Variants in FAM220A observed in about 807,000 individuals in gnomAD.
FAM220A encodes the protein protein FAM220A.
For missense variants in FAM220A, 392 were observed against 321.6 expected, an observed-to-expected ratio of 1.22 and a Z score of -1.68; for synonymous variants, 141 against 130.7, an observed-to-expected ratio of 1.08 and a Z score of -0.54.
At chr7:6,346,520 C>G (rs1781953385) in intron 1 of FAM220A, among the ~76,000 whole-genome samples, 1 of 152,108 alleles carries the variant, frequency 6.6e-6, no homozygotes, top group African/African-American at 2.4e-5. Context: ...GTGCACGCCA[C>G]CACTGCCCGG....
chr7:6,335,138 C>G (rs1030197910), intron 1 of FAM220A, among the ~76,000 whole-genome samples: 10 of 152,208 alleles, frequency 6.6e-5, no homozygotes, highest in African/African-American at 2.4e-4. Context: ...TCTTAGCTCA[C>G]TGCAACCTCT....
At chr7:6,343,748 G>A (rs1465663777) in intron 1 of FAM220A, among the ~76,000 whole-genome samples, 1 of 151,942 alleles carries the variant, frequency 6.6e-6, no homozygotes, top group African/African-American at 2.4e-5. Flanking sequence ...TCCTAAAGAG[G>A]TATTAACCTC....
Position 6,330,836 on chromosome 7 carries a change from A to T in FAM220A, c.319T>A (p.Phe107Ile). ...AATPSTAVGL[F>I]PAPTECFARV... Reference sequence around the variant, plus strand: ...GCAAAACACTCTGTTGGAGCAGGGAACAAACCCACGGCTGTGCTCGGAGTG... The same window carrying T: ...GCAAAACACTCTGTTGGAGCAGGGATCAAACCCACGGCTGTGCTCGGAGTG... The change falls in exon 2 of 2, where the codon TTC becomes ATC. Residue 107 changes from phenylalanine (F) to isoleucine (I), a missense_variant. Transcript: ENST00000313324. The T allele has an allele frequency of 6.2e-7, 1 of 1,614,170 alleles. No homozygotes were observed. The highest frequency in any genetic ancestry group is 2.2e-5 in the East Asian group (1 of 44,882).
chr7:6,344,017 C>G (rs899283673), intron 1 of FAM220A, among the ~76,000 whole-genome samples: 1 of 152,100 alleles, frequency 6.6e-6, no homozygotes, highest in Non-Finnish European at 1.5e-5. Flanking sequence ...TCCCAAGTAG[C>G]TGGGACTACA....
intron 1 of FAM220A, among the ~76,000 whole-genome samples, chr7:6,331,672 G>T (rs540760983): frequency 6.6e-6 from 1 of 150,782 alleles, no homozygotes; most frequent in Non-Finnish European, 1.5e-5. Flanking sequence ...GAGCCACCAC[G>T]CCCGGCCTAG....
chr7:6,331,344 T>C (rs1304957879), intron 1 of FAM220A, 109 bp from the exon 2 acceptor site: 5 of 636,966 alleles, frequency 7.8e-6, no homozygotes, highest in African/African-American at 1.8e-5. Flanking sequence ...TATGACAGTC[T>C]CCAGTACAGG....
chr7:6,334,133 A>G (rs1022340489), intron 1 of FAM220A, among the ~76,000 whole-genome samples: 3 of 150,868 alleles, frequency 2.0e-5, no homozygotes. Context: ...AGCGTGAGCC[A>G]CCGCACCCAG....
intron 1 of FAM220A, among the ~76,000 whole-genome samples, chr7:6,343,397 C>T (rs10529148): frequency 2.3e-5 from 2 of 86,994 alleles, no homozygotes; most frequent in South Asian, 3.6e-4. Context: ...ATAATAATTT[C>T]ATATATATAT....
chr7:6,334,636 T>A (rs887599061), intron 1 of FAM220A, among the ~76,000 whole-genome samples: 6 of 151,688 alleles, frequency 4.0e-5, no homozygotes, highest in African/African-American at 1.5e-4. Flanking sequence ...CCGGCTAATT[T>A]TTTATATTTT....
At chr7:6,335,031 T>A (rs769587115) in intron 1 of FAM220A, among the ~76,000 whole-genome samples, 9 of 152,022 alleles carry the variant, frequency 5.9e-5, no homozygotes, top group Non-Finnish European at 1.2e-4. Context: ...CCTCCCAAAG[T>A]GGTGGGATTA....
At chr7:6,346,490 A>G (rs972083673) in intron 1 of FAM220A, among the ~76,000 whole-genome samples, 19 of 151,992 alleles carry the variant, frequency 1.3e-4, no homozygotes, top group Non-Finnish European at 1.9e-4. Context: ...CCTCAGCCCC[A>G]CAAGCAGCTG....
chr7:6,341,279 C>A (rs193109312), intron 1 of FAM220A, among the ~76,000 whole-genome samples: 6 of 148,942 alleles, frequency 4.0e-5, no homozygotes, highest in African/African-American at 1.2e-4. Context: ...CCCATCTCTA[C>A]GAAAATACAA....
At chr7:6,332,111 CG>C (rs1217401352) in intron 1 of FAM220A, among the ~76,000 whole-genome samples, 31 of 104,810 alleles carry the variant, frequency 3.0e-4, no homozygotes, top group East Asian at 1.8e-3. Context: ...CTCCATCTCA[CG>C]GAAAAAAAAA....
At position 6,329,991 on chromosome 7, in the gene FAM220A, A is replaced by C; in HGVS notation, c.*384T>G. On this transcript the variant is annotated 3_prime_UTR_variant, in exon 2 of 2. Transcript: ENST00000313324. ...CAAGTACAGTGGTGTAGACTTTACA[A>C]GTATCCACTTCCATTGGGTGATCAG... 4.5e-6 allele frequency: 1 copy of C among 220,692 alleles called. No individual in the cohort carries two copies. Among genetic ancestry groups the C allele is most frequent in the Non-Finnish European group, 9.7e-6 (1 of 102,702 alleles). The allele number at this position is 220,692 out of a possible 1,614,324, so 13.7% of individuals were successfully genotyped here.
chr7:6,331,630 T>C (rs958544498), intron 1 of FAM220A, among the ~76,000 whole-genome samples: 6 of 152,152 alleles, frequency 3.9e-5, no homozygotes, highest in African/African-American at 9.7e-5. Flanking sequence ...TCCACTCGCC[T>C]TGGCCTCCCA....
chr7:6,331,433 G>A (rs533141482), intron 1 of FAM220A, among the ~76,000 whole-genome samples, 198 bp from the exon 2 acceptor site: 1 of 152,320 alleles, frequency 6.6e-6, no homozygotes, highest in East Asian at 1.9e-4. Context: ...AAAGTGCTGG[G>A]ATTACAGGTG....
rs1781624331 is a variant in FAM220A at position 6,331,105 on chromosome 7, T to C, written c.50A>G (p.Gln17Arg). The change falls in exon 2 of 2, where the codon CAG becomes CGG. Residue 17 changes from glutamine (Q) to arginine (R), a missense_variant. Gln to Arg is a conservative substitution (Grantham distance 43). Transcript: ENST00000313324. ...PLGTCLAQVQQAGGGDSDKLS... is the reference protein window; with the variant it reads ...PLGTCLAQVQRAGGGDSDKLS... ...TTTGTCCGAGTCACCTCCTCCGGCC[T>C]GCTGCACTTGTGCCAGGCAGGTGCC... 2 of 1,613,278 alleles carry C rather than the reference T, an allele frequency of 1.2e-6. No individual in the cohort carries two copies. Among genetic ancestry groups the C allele is most frequent in the Non-Finnish European group, 1.7e-6 (2 of 1,180,042 alleles).
intron 1 of FAM220A, among the ~76,000 whole-genome samples, chr7:6,345,826 T>C (rs1221218737): frequency 6.6e-6 from 1 of 152,036 alleles, no homozygotes; most frequent in African/African-American, 2.4e-5. Context: ...TGGAGTGCAG[T>C]AGGGTGATCT....
At chr7:6,345,906 T>G (rs1781943543) in intron 1 of FAM220A, among the ~76,000 whole-genome samples, 1 of 151,924 alleles carries the variant, frequency 6.6e-6, no homozygotes, top group Admixed American at 6.6e-5. Flanking sequence ...GTAGCTGGGA[T>G]TACAGGCGTG....
Sources: allele counts gnomAD v4.1 joint callset (sites outside exome capture counted in the v4.1 genomes callset), GRCh38; gene constraint gnomAD v4.1.1; transcripts MANE v1.5; gene names NCBI Gene and HGNC (gene_info 2026-07-23, HGNC 2026-07-21).